The following AGMO variants were observed in gnomAD, a reference collection of about 807,000 sequenced individuals.
AGMO encodes alkylglycerol monooxygenase.
Under a neutral mutation model 60.2 loss-of-function variants are expected in AGMO, and 75 were observed. The ratio of observed to expected loss-of-function variants is 1.25; its 90% confidence interval spans 1.03 to 1.51. AGMO has a LOEUF of 1.51. Among genes scored for constraint, AGMO ranks in the 40% most tolerant of loss-of-function variants. The probability of loss-of-function intolerance (pLI) is 0.00; values close to 1 mark genes in which losing one functional copy is unlikely to be tolerated. For synonymous variants in AGMO, 261 were observed against 177.1 expected (o/e 1.47, Z -3.76); for missense variants, 763 against 525.5 (o/e 1.45, Z -4.42).
chr7:15,406,452 T>C (rs1319303564), intron 5 of AGMO, among the ~76,000 whole-genome samples: 1 of 124,160 alleles, frequency 8.1e-6, no homozygotes, highest in Non-Finnish European at 1.7e-5. Context: ...TGTACACATA[T>C]ATACCCACGT....
intron 10 of AGMO, among the ~76,000 whole-genome samples, chr7:15,384,181 C>G (rs1051425265): frequency 6.6e-6 from 1 of 152,162 alleles, no homozygotes; most frequent in Non-Finnish European, 1.5e-5. Context: ...TCGTGATCTG[C>G]CCACCTTGGC....
intron 3 of AGMO, among the ~76,000 whole-genome samples, chr7:15,439,211 A>G (rs1295613303): frequency 6.6e-6 from 1 of 152,172 alleles, no homozygotes; most frequent in Non-Finnish European, 1.5e-5. Flanking sequence ...ATCCCGGCCA[A>G]CATGGTGAAA....
chr7:15,452,522 AACC>A (rs1434274150), intron 3 of AGMO, among the ~76,000 whole-genome samples: 1 of 152,214 alleles, frequency 6.6e-6, no homozygotes, highest in African/African-American at 2.4e-5. Context: ...TGCAAATCAA[AACC>A]ACAATTACAT....
At chr7:15,192,446 C>T in the AGMO span, among the ~76,000 whole-genome samples, 1 of 152,030 alleles carries the variant, frequency 6.6e-6, no homozygotes, top group African/African-American at 2.4e-5. Context: ...CAGGGAAGGT[C>T]ATCTTCCCAC....
chr7:15,164,439 A>G, the AGMO span, among the ~76,000 whole-genome samples: 5 of 152,170 alleles, frequency 3.3e-5, no homozygotes, highest in Admixed American at 1.3e-4. Flanking sequence ...AGAAATAATC[A>G]ACAGAGTATA....
chr7:15,351,584 A>C (rs1396016469), intron 12 of AGMO, among the ~76,000 whole-genome samples: 1 of 152,210 alleles, frequency 6.6e-6, no homozygotes, highest in African/African-American at 2.4e-5. Flanking sequence ...CTTGTAAAAA[A>C]GAAAGTCTAA....
intron 12 of AGMO, among the ~76,000 whole-genome samples, chr7:15,239,284 T>C (rs1033587691): frequency 6.6e-6 from 1 of 152,088 alleles, no homozygotes; most frequent in Non-Finnish European, 1.5e-5. Flanking sequence ...ATAGGAACGT[T>C]TAGATAATGA....
intron 10 of AGMO, 72 bp from the exon 11 acceptor site, chr7:15,366,294 T>G: frequency 8.6e-7 from 1 of 1,159,628 alleles, no homozygotes; most frequent in Non-Finnish European, 1.2e-6. Flanking sequence ...GGTTAAAGCT[T>G]ACAAAACAGC....
intron 5 of AGMO, among the ~76,000 whole-genome samples, chr7:15,406,308 C>T (rs149327899): frequency 0.087 from 12,129 of 139,666 alleles, 687 homozygotes; most frequent in South Asian, 0.14. Context: ...ATGGAATATA[C>T]ATATATATGT....
At chr7:15,361,082 A>G (rs946101347) in intron 12 of AGMO, among the ~76,000 whole-genome samples, 75 of 152,164 alleles carry the variant, frequency 4.9e-4, no homozygotes, top group African/African-American at 1.7e-3. Context: ...GATGCCTTAT[A>G]TGAATAGGAG....
At chr7:15,399,524 A>C (rs111866683) in intron 5 of AGMO, among the ~76,000 whole-genome samples, 3,042 of 152,270 alleles carry the variant, frequency 0.02, 79 homozygotes, top group African/African-American at 0.068. Context: ...TTTTCAGACT[A>C]TTTCTTAAGC....
chr7:15,127,123 T>C, the AGMO span, among the ~76,000 whole-genome samples: 1 of 152,092 alleles, frequency 6.6e-6, no homozygotes, highest in Non-Finnish European at 1.5e-5. Context: ...TGTATTTGAT[T>C]GATGTCTCAT....
At chr7:15,495,852 TC>T (rs58623282) in intron 3 of AGMO, among the ~76,000 whole-genome samples, 61 of 146,832 alleles carry the variant, frequency 4.2e-4, no homozygotes, top group South Asian at 2.2e-3. Flanking sequence ...CCTCTCTCTC[TC>T]CTCTCTCTCT....
At chr7:15,390,774 G>A in intron 7 of AGMO, 24 bp from the exon 8 acceptor site, 2 of 1,595,268 alleles carry the variant, frequency 1.3e-6, no homozygotes, top group Non-Finnish European at 1.7e-6. Flanking sequence ...ATAAAGATAT[G>A]AGATTTGGCT....
chr7:15,322,981 A>ATTT (rs146681446), intron 12 of AGMO, among the ~76,000 whole-genome samples: 24,555 of 146,264 alleles, frequency 0.17, 2,978 homozygotes, highest in African/African-American at 0.33. Context: ...ATATATATGT[A>ATTT]TTTATTTTTT....
chr7:15,202,693 A>AAGAATAAT (rs1781329947), intron 12 of AGMO, among the ~76,000 whole-genome samples: 1 of 152,138 alleles, frequency 6.6e-6, no homozygotes, highest in African/African-American at 2.4e-5. Flanking sequence ...AGGAGAAGTC[A>AAGAATAAT]AGAATAATAT....
In AGMO at chr7:15,534,799, G is replaced by C. The variant is rs374923683; in HGVS notation, c.409+9973C>G. Among the ~76,000 whole-genome samples, 7 of 151,868 alleles carry C rather than the reference G, an allele frequency of 4.6e-5. No individual in the cohort carries two copies. The East Asian group carries it at 1.2e-3, about 25-fold the overall frequency. On this transcript the variant is annotated intron_variant, in intron 3 of 12. Transcript: ENST00000342526. The stretch of plus-strand genomic sequence containing the variant: ...TAACAGTGAGAAAAAAATTAAGTTT[G>C]TATGAGGATAAGTAAATTTAACCCT...
In AGMO at chr7:15,201,156, A is replaced by G. The variant is rs923312103; in HGVS notation, c.*129T>C. On this transcript the variant is annotated 3_prime_UTR_variant, in exon 13 of 13. Transcript: ENST00000342526. ...ATGTGAAAGGCAAACAATAGTAAAT[A>G]AGTAATTTTACTTTTCATTGAAGAA... The G allele has an allele frequency of 2.2e-5, 12 of 556,898 alleles. No individual in the cohort carries two copies. The highest frequency in any genetic ancestry group is 2.0e-4 in the South Asian group (4 of 20,472). The allele number at this position is 556,898 out of a possible 1,614,324, so 34.5% of individuals were successfully genotyped here.
chr7:15,357,190 C>CGTGTGTGTGTGTGTGTGTGTGT (rs36124819), intron 12 of AGMO, among the ~76,000 whole-genome samples: 2 of 144,362 alleles, frequency 1.4e-5, no homozygotes, highest in Non-Finnish European at 3.0e-5. Flanking sequence ...TATGAATATT[C>CGTGTGTGTGTGTGTGTGTGTGT]GTGTGTGTGT....
Sources: gnomAD v4.1 joint callset for allele counts (sites outside exome capture counted in the v4.1 genomes callset) on GRCh38, gnomAD v4.1.1 for gene constraint, MANE v1.5 for transcripts, NCBI Gene and HGNC (gene_info 2026-07-23, HGNC 2026-07-21) for gene names.